The following LEP variants were observed in gnomAD, a reference collection of about 807,000 sequenced individuals.
The protein encoded by LEP is leptin (murine obesity homolog).
Under a neutral mutation model 9.8 loss-of-function variants are expected in LEP, and 6 were observed. The observed-to-expected ratio is 0.61, with a 90% CI of 0.34 to 1.21. The LOEUF is 1.21. LEP is among the 50% of genes most tolerant of loss of function. LEP has a pLI of 0.04. For synonymous variants in LEP, 112 were observed against 81.7 expected (o/e 1.37, Z -2.00); for missense variants, 134 against 198.1 (o/e 0.68, Z 1.94).
chr7:128,254,345 C>T, intron 2 of LEP, 59 bp from the exon 3 acceptor site: 3 of 1,602,182 alleles, frequency 1.9e-6, no homozygotes, highest in Non-Finnish European at 1.7e-6. Flanking sequence ...AGGCAGAGGG[C>T]TCTGAGAGCG....
At chr7:128,251,657 GACC>G (rs1795275955) in intron 1 of LEP, among the ~76,000 whole-genome samples, 1 of 152,158 alleles carries the variant, frequency 6.6e-6, no homozygotes, top group African/African-American at 2.4e-5. Flanking sequence ...GTTCAAACCA[GACC>G]TTAAAAGTCT....
In LEP at chr7:128,254,424, G is replaced by A. The variant is rs138908051; in HGVS notation, c.165G>A (p.Gln55=). The A allele has an allele frequency of 1.3e-4, 206 of 1,613,584 alleles. 1 individual carries two copies. The highest frequency in any genetic ancestry group is 1.2e-3 in the Middle Eastern group (7 of 6,084). The part of the protein sequence containing the change: ...ISHTQSVSSK[Q]KVTGLDFIPG... The stretch of plus-strand genomic sequence containing the variant: ...CATAGCAGTCAGTCTCCTCCAAACA[G>A]AAAGTCACCGGTTTGGACTTCATTC... The change falls in exon 3 of 3, where the codon CAG becomes CAA. Residue 55 remains glutamine (Q), a synonymous_variant. Coordinates refer to ENST00000308868, the MANE Select transcript of LEP (RefSeq NM_000230.3).
chr7:128,248,675 G>A (rs182169554), intron 1 of LEP, among the ~76,000 whole-genome samples: 53 of 152,284 alleles, frequency 3.5e-4, no homozygotes, highest in African/African-American at 1.3e-3. Flanking sequence ...AGTTGCTTAA[G>A]GGCACAGTTT....
At chr7:128,252,694 G>C (rs112070222) in intron 2 of LEP, among the ~76,000 whole-genome samples, 1 of 151,968 alleles carries the variant, frequency 6.6e-6, no homozygotes, top group Non-Finnish European at 1.5e-5. Context: ...TCATGCCACC[G>C]TGCTCCAGCC....
chr7:128,244,375 A>G (rs552257532), intron 1 of LEP, among the ~76,000 whole-genome samples: 1 of 152,176 alleles, frequency 6.6e-6, no homozygotes, highest in East Asian at 1.9e-4. Context: ...CTGTACTCAC[A>G]CCCTCTCTGC....
intron 1 of LEP, among the ~76,000 whole-genome samples, chr7:128,250,893 T>A (rs1037645441): frequency 1.3e-5 from 2 of 152,228 alleles, no homozygotes; most frequent in African/African-American, 4.8e-5. Flanking sequence ...TACATTTAAC[T>A]TTATTACCTT....
chr7:128,243,270 T>C (rs2122627), intron 1 of LEP, among the ~76,000 whole-genome samples: 141,225 of 152,304 alleles, frequency 0.93, 65,577 homozygotes, highest in East Asian at 1. Flanking sequence ...GGAATGGAAT[T>C]TATAATCAAT....
Position 128,254,757 on chromosome 7 carries a change from G to C in LEP, c.498G>C (p.Gly166=). 1 of 1,609,412 alleles carries C rather than the reference G, an allele frequency of 6.2e-7. No homozygotes were observed. The highest frequency in any genetic ancestry group is 8.5e-7 in the Non-Finnish European group (1 of 1,179,956). ...TGTGGCAGCTGGACCTCAGCCCTGG[G>C]TGCTGAGGCCTTGAAGGTCACTCTT... The part of the protein sequence containing the change: ...DMLWQLDLSP[G]C The change falls in exon 3 of 3, where the codon GGG becomes GGC. Residue 166 remains glycine, a synonymous_variant. Transcript: ENST00000308868.
intron 2 of LEP, among the ~76,000 whole-genome samples, chr7:128,253,860 C>T (rs535882746): frequency 6.6e-6 from 1 of 152,320 alleles, no homozygotes; most frequent in South Asian, 2.1e-4. Flanking sequence ...GTAGTAACCA[C>T]GGAGGTGTCA....
intron 1 of LEP, among the ~76,000 whole-genome samples, chr7:128,244,334 A>G (rs1795186303): frequency 6.6e-6 from 1 of 151,970 alleles, no homozygotes. Context: ...ATGAGATCAG[A>G]TCTTTCTGAT....
intron 1 of LEP, among the ~76,000 whole-genome samples, chr7:128,248,029 A>G (rs535598833): frequency 6.6e-6 from 1 of 152,326 alleles, no homozygotes; most frequent in East Asian, 1.9e-4. Context: ...GCGGTGGCTC[A>G]CGCCTGTAAT....
rs1351688053 is a variant in LEP at position 128,248,874 on chromosome 7, T to A, written c.-28-3117T>A. 3.9e-5 allele frequency among the ~76,000 whole-genome samples: 6 copies of A among 152,222 alleles called. No homozygotes were observed. In the East Asian group the frequency reaches 1.2e-3, roughly 29 times the overall value. On this transcript the variant is annotated intron_variant, in intron 1 of 2. Coordinates refer to ENST00000308868, the MANE Select transcript of LEP (RefSeq NM_000230.3). The stretch of plus-strand genomic sequence containing the variant: ...TTTCTGGCCCACAGTGGGCGATCAA[T>A]ACATGTTAGCCACCAACCATCAAAC...
chr7:128,243,128 G>C (rs937514839), intron 1 of LEP, among the ~76,000 whole-genome samples: 2 of 152,264 alleles, frequency 1.3e-5, no homozygotes, highest in Admixed American at 6.5e-5. Context: ...GGTTGTTTCT[G>C]CTTAAAAACA....
In LEP at chr7:128,254,877, C is replaced by A; in HGVS notation, c.*114C>A. On this transcript the variant is annotated 3_prime_UTR_variant, in exon 3 of 3. Coordinates refer to ENST00000308868, the MANE Select transcript of LEP (RefSeq NM_000230.3). Reference sequence around the variant, plus strand: ...GGACACCCCTTATCCAGGACTCTGTCAATTTCCCTGACTCCTCTAAGCCAC... The same window carrying A: ...GGACACCCCTTATCCAGGACTCTGTAAATTTCCCTGACTCCTCTAAGCCAC... The A allele has an allele frequency of 8.2e-7, 1 of 1,214,306 alleles. No homozygotes were observed. The highest frequency in any genetic ancestry group is 1.2e-6 in the Non-Finnish European group (1 of 848,928). 75.2% of individuals were successfully genotyped at this position (1,214,306 alleles called of 1,614,324 possible). A position where few individuals can be genotyped will look rare whatever the true frequency, so the allele number is the denominator to read the frequency against.
chr7:128,248,989 T>C (rs970817554), intron 1 of LEP, among the ~76,000 whole-genome samples: 2 of 152,242 alleles, frequency 1.3e-5, no homozygotes. Flanking sequence ...TTAAGAGTAA[T>C]GGCAAAAACG....
Position 128,254,757 on chromosome 7 carries a change from G to A in LEP, c.498G>A (p.Gly166=), listed in dbSNP as rs765203455. 6.2e-7 allele frequency: 1 copy of A among 1,609,294 alleles called. No homozygotes were observed. Among genetic ancestry groups the A allele is most frequent in the African/African-American group, 1.3e-5 (1 of 74,896 alleles). The change falls in exon 3 of 3, where the codon GGG becomes GGA. Residue 166 remains glycine (G), a synonymous_variant. Coordinates refer to ENST00000308868, the MANE Select transcript of LEP (RefSeq NM_000230.3). ...DMLWQLDLSP[G]C is the part of the protein sequence containing the mutation. The stretch of plus-strand genomic sequence containing the variant: ...TGTGGCAGCTGGACCTCAGCCCTGG[G>A]TGCTGAGGCCTTGAAGGTCACTCTT...
chr7:128,247,883 G>A (rs532895974), intron 1 of LEP, among the ~76,000 whole-genome samples: 1 of 152,306 alleles, frequency 6.6e-6, no homozygotes, highest in African/African-American at 2.4e-5. Flanking sequence ...AGGGCCCTGT[G>A]CTCTGACTCA....
intron 1 of LEP, among the ~76,000 whole-genome samples, chr7:128,242,529 A>C (rs1221031209): frequency 6.6e-6 from 1 of 152,214 alleles, no homozygotes; most frequent in Non-Finnish European, 1.5e-5. Flanking sequence ...TCACTTAGGC[A>C]GGGAGACAAG....
At chr7:128,246,943 A>G (rs926538094) in intron 1 of LEP, among the ~76,000 whole-genome samples, 3 of 152,058 alleles carry the variant, frequency 2.0e-5, no homozygotes, top group African/African-American at 4.8e-5. Flanking sequence ...CATGAGGGAG[A>G]CAGCAGAGTG....
Sources: allele counts gnomAD v4.1 joint callset (sites outside exome capture counted in the v4.1 genomes callset), GRCh38; gene constraint gnomAD v4.1.1; transcripts MANE v1.5; gene names NCBI Gene and HGNC (gene_info 2026-07-23, HGNC 2026-07-21).